JAKMIP2: variants seen among roughly 807,000 people sequenced by gnomAD.
JAKMIP2 encodes janus kinase and microtubule interacting protein 2.
A neutral mutation model predicts 115.0 loss-of-function variants in JAKMIP2; 25 were observed. The ratio of observed to expected loss-of-function variants is 0.22; its 90% CI spans 0.16 to 0.30. The LOEUF is 0.30. JAKMIP2 is among the 10% of genes least tolerant of loss of function. The probability of loss-of-function intolerance (pLI) is 1.00; values close to 1 mark genes in which losing one functional copy is unlikely to be tolerated. For synonymous variants in JAKMIP2, 334 were observed against 343.6 expected (o/e 0.97, Z 0.31); for missense variants, 642 against 957.6 (o/e 0.67, Z 4.35).
chr5:147,652,837 G>T (rs974970012), intron 3 of JAKMIP2, among the ~76,000 whole-genome samples: 6 of 151,972 alleles, frequency 3.9e-5, no homozygotes, highest in African/African-American at 1.4e-4. Flanking sequence ...TTAGGTGTTT[G>T]TCCTAATGCT....
chr5:147,644,275 A>G (rs1561510702), intron 6 of JAKMIP2, 77 bp from the exon 7 acceptor site: 1 of 1,376,640 alleles, frequency 7.3e-7, no homozygotes, highest in East Asian at 2.3e-5. Flanking sequence ...AAATATCTGT[A>G]GAAAGTTTAT....
intron 2 of JAKMIP2, among the ~76,000 whole-genome samples, chr5:147,669,665 G>A (rs572791424): frequency 3.3e-4 from 51 of 152,296 alleles, no homozygotes; most frequent in Non-Finnish European, 5.9e-5. Context: ...TGCAATTAAA[G>A]GAGTCTGCCT....
At chr5:147,740,124 T>G (rs978887263) in intron 1 of JAKMIP2, among the ~76,000 whole-genome samples, 1 of 152,246 alleles carries the variant, frequency 6.6e-6, no homozygotes, top group Non-Finnish European at 1.5e-5. Flanking sequence ...GTTTCTTTTT[T>G]TGAGTCACAC....
Position 147,660,970 on chromosome 5 carries a change from G to A in JAKMIP2, c.605C>T (p.Ser202Leu), listed in dbSNP as rs1413813871. The A allele has an allele frequency of 5.0e-6, 8 of 1,613,712 alleles. No individual in the cohort carries two copies. The highest frequency in any genetic ancestry group is 1.3e-5 in the African/African-American group (1 of 74,814). Reference sequence around the variant, plus strand: ...AACCAGCCTCCGAATATCCCGCTCCGACTCCCACTTGATCTTCGAGATGGC... The same window carrying A: ...AACCAGCCTCCGAATATCCCGCTCCAACTCCCACTTGATCTTCGAGATGGC... Reference protein sequence around the residue: ...QEAISKIKWESERDIRRLMDE... With the variant: ...QEAISKIKWELERDIRRLMDE... Residue 202 changes from serine to leucine, a missense_variant, in exon 3 of 22, where the codon TCG becomes TTG. By Grantham distance (145) the Ser-to-Leu change is moderately radical. This residue lies in a region of JAKMIP2 where 439 missense variants were observed against 570.9 expected (regional missense o/e 0.77). Transcript: ENST00000616793.
intron 1 of JAKMIP2, among the ~76,000 whole-genome samples, chr5:147,764,889 GGAAA>G (rs758768756): frequency 0.28 from 16,996 of 59,962 alleles, 3,331 homozygotes; most frequent in Admixed American, 0.37. Context: ...TGTCTAAAAG[GGAAA>G]GAAAGAAAGA....
chr5:147,603,830 T>A (rs1162084443), intron 20 of JAKMIP2, among the ~76,000 whole-genome samples: 1 of 152,216 alleles, frequency 6.6e-6, no homozygotes, highest in East Asian at 1.9e-4. Flanking sequence ...ACAATGAACA[T>A]GATCTTAATC....
intron 12 of JAKMIP2, 108 bp from the exon 13 acceptor site, chr5:147,632,886 GA>G (rs1313838340): frequency 1.4e-5 from 9 of 650,498 alleles, no homozygotes; most frequent in Admixed American, 2.7e-5. Context: ...TCCAGACCAT[GA>G]AAAAAAATCC....
chr5:147,651,608 T>G (rs560036152), intron 3 of JAKMIP2, among the ~76,000 whole-genome samples: 1 of 152,136 alleles, frequency 6.6e-6, no homozygotes, highest in Non-Finnish European at 1.5e-5. Context: ...TTTTCTTTGC[T>G]GTGTGCTCTT....
At chr5:147,645,535 C>A (rs951648091) in intron 5 of JAKMIP2, among the ~76,000 whole-genome samples, 1 of 152,120 alleles carries the variant, frequency 6.6e-6, no homozygotes, top group South Asian at 2.1e-4. Context: ...GGGAAAAAAA[C>A]CACACGTAAG....
intron 2 of JAKMIP2, among the ~76,000 whole-genome samples, chr5:147,665,965 G>T (rs997257481): frequency 1.3e-5 from 2 of 152,132 alleles, no homozygotes; most frequent in African/African-American, 4.8e-5. Flanking sequence ...AAATACAGGT[G>T]CATGAAACAT....
intron 1 of JAKMIP2, among the ~76,000 whole-genome samples, chr5:147,672,726 G>A (rs768461461): frequency 2.0e-5 from 3 of 152,162 alleles, no homozygotes; most frequent in East Asian, 1.9e-4. Context: ...AGAAGACACC[G>A]TTGGCTTGGA....
chr5:147,642,710 G>A (rs986051562), intron 7 of JAKMIP2, among the ~76,000 whole-genome samples: 2 of 151,554 alleles, frequency 1.3e-5, no homozygotes, highest in Admixed American at 1.3e-4. Flanking sequence ...CTATATATGA[G>A]ACTTTTACAA....
chr5:147,766,631 G>A (rs1755167129), intron 1 of JAKMIP2, among the ~76,000 whole-genome samples: 1 of 152,132 alleles, frequency 6.6e-6, no homozygotes, highest in Admixed American at 6.6e-5. Context: ...CTGTTTATGA[G>A]ATATTCTTCT....
intron 14 of JAKMIP2, 60 bp from the exon 15 acceptor site, chr5:147,629,806 C>G (rs988174930): frequency 6.0e-6 from 8 of 1,340,924 alleles, no homozygotes; most frequent in East Asian, 2.3e-5. Flanking sequence ...TCCATCAGTG[C>G]CTGAACATGA....
At chr5:147,771,450 T>C (rs1755349879) in intron 1 of JAKMIP2, among the ~76,000 whole-genome samples, 1 of 152,120 alleles carries the variant, frequency 6.6e-6, no homozygotes, top group Admixed American at 6.6e-5. Context: ...ATATCAAATA[T>C]GTTTTGAAAG....
intron 1 of JAKMIP2, among the ~76,000 whole-genome samples, chr5:147,726,682 C>A (rs184572403): frequency 2.6e-5 from 4 of 152,190 alleles, no homozygotes; most frequent in African/African-American, 7.2e-5. Context: ...ACTGTTAAAG[C>A]CAGCCTGGCA....
At chr5:147,637,792 A>G (rs1757695665) in intron 10 of JAKMIP2, among the ~76,000 whole-genome samples, 1 of 151,890 alleles carries the variant, frequency 6.6e-6, no homozygotes, top group African/African-American at 2.4e-5. Context: ...CTCTTTATAT[A>G]TCATATTTTG....
rs76537453 is a variant in JAKMIP2, at chr5:147,614,966, C to T, written c.2347-2595G>A. Among the ~76,000 whole-genome samples the T allele has an allele frequency of 7.9e-3, 1,206 of 152,302 alleles. 53 individuals carry two copies. In the East Asian group the frequency reaches 0.13, roughly 16 times the overall value. On this transcript the variant is annotated intron_variant, in intron 19 of 21. Coordinates refer to ENST00000616793, the MANE Select transcript of JAKMIP2 (RefSeq NM_001270941.2). ...GTATCTTCAGAGAGGCCTCCTCTGA[C>T]CAGCCAACCTAAAGTGGCCAATCCT... is the stretch of plus-strand genomic sequence containing the variant.
At chr5:147,619,268 C>T (rs967968324) in intron 18 of JAKMIP2, among the ~76,000 whole-genome samples, 11 of 151,718 alleles carry the variant, frequency 7.3e-5, no homozygotes, top group Non-Finnish European at 1.3e-4. Context: ...TCAGTAGTCT[C>T]GGGACCCACA....
Sources: allele counts gnomAD v4.1 joint callset (sites outside exome capture counted in the v4.1 genomes callset), GRCh38; gene constraint gnomAD v4.1.1; regional missense constraint gnomAD v4.1.1; transcripts MANE v1.5; gene names NCBI Gene and HGNC (gene_info 2026-07-23, HGNC 2026-07-21).